Variants in ACSBG1 observed in about 807,000 individuals in gnomAD.
ACSBG1 encodes acyl-CoA synthetase bubblegum family member 1.
ACSBG1 carries 39 observed loss-of-function variants against 80.2 expected under a neutral mutation model. The ratio of observed to expected loss-of-function variants is 0.49; its 90% CI spans 0.38 to 0.64. The LOEUF is 0.64. Among genes scored for constraint, ACSBG1 ranks in the 30% least tolerant of loss-of-function variants. ACSBG1 has a pLI of 0.00. For synonymous variants in ACSBG1, 392 were observed against 379.5 expected, an observed-to-expected ratio of 1.03 and a Z score of -0.38; for missense variants, 828 against 966.4, an observed-to-expected ratio of 0.86 and a Z score of 1.90.
chr15:78,197,081 A>G (rs2075121207), intron 2 of ACSBG1, among the ~76,000 whole-genome samples: 1 of 152,066 alleles, frequency 6.6e-6, no homozygotes, highest in African/African-American at 2.4e-5. Flanking sequence ...AAATTAAATC[A>G]AATTAAATAA....
chr15:78,180,689 A>G, intron 9 of ACSBG1, 66 bp downstream of exon 9: 1 of 1,559,804 alleles, frequency 6.4e-7, no homozygotes, highest in African/African-American at 1.4e-5. Flanking sequence ...TCAGACCCTC[A>G]CTGTGTTTTG....
intron 1 of ACSBG1, among the ~76,000 whole-genome samples, chr15:78,218,936 CG>C (rs752771931): frequency 6.6e-6 from 1 of 151,728 alleles, no homozygotes; most frequent in East Asian, 1.9e-4. Flanking sequence ...CTCAGCCTCC[CG>C]AATAGCTGGG....
chr15:78,203,714 C>T (rs997247660), intron 2 of ACSBG1, among the ~76,000 whole-genome samples: 15 of 152,214 alleles, frequency 9.9e-5, no homozygotes, highest in South Asian at 2.1e-4. Context: ...GAGCAGAGAG[C>T]GGGAGGCTGG....
intron 11 of ACSBG1, among the ~76,000 whole-genome samples, chr15:78,175,133 C>G (rs2074870334): frequency 6.6e-6 from 1 of 152,268 alleles, no homozygotes; most frequent in Non-Finnish European, 1.5e-5. Context: ...TTGTACCCTT[C>G]TCCCTGGAAG....
At chr15:78,184,371 G>T (rs2074978866) in intron 5 of ACSBG1, among the ~76,000 whole-genome samples, 1 of 151,882 alleles carries the variant, frequency 6.6e-6, no homozygotes, top group African/African-American at 2.4e-5. Flanking sequence ...GTAGAGACAG[G>T]GGGGTCTCAC....
intron 1 of ACSBG1, among the ~76,000 whole-genome samples, chr15:78,224,343 T>G (rs1018620504): frequency 6.6e-6 from 1 of 152,188 alleles, no homozygotes; most frequent in African/African-American, 2.4e-5. Flanking sequence ...CTGTTATTGA[T>G]TTAATGCACT....
chr15:78,230,917 A>G (rs2075441142), intron 1 of ACSBG1, among the ~76,000 whole-genome samples: 1 of 152,218 alleles, frequency 6.6e-6, no homozygotes, highest in Non-Finnish European at 1.5e-5. Flanking sequence ...CCAGAGGAGC[A>G]GAGAAGCAGA....
intron 1 of ACSBG1, 70 bp from the exon 2 acceptor site, chr15:78,208,172 C>T (rs188537413): frequency 2.7e-5 from 32 of 1,170,868 alleles, no homozygotes; most frequent in Middle Eastern, 2.2e-4. Flanking sequence ...TTAGGGACTC[C>T]GGCCTGGCAC....
At chr15:78,234,288 A>G in intron 1 of ACSBG1, 83 bp downstream of exon 1, 1 of 1,532,406 alleles carries the variant, frequency 6.5e-7, no homozygotes, top group Non-Finnish European at 8.8e-7. Flanking sequence ...AGAGAGAAGC[A>G]GCTTGCCCAA....
chr15:78,209,111 C>G (rs959040442), intron 1 of ACSBG1: 1 of 455,552 alleles, frequency 2.2e-6, no homozygotes, highest in South Asian at 1.6e-5. Context: ...CTAGCCCCAT[C>G]CCTGCCCAGT....
At chr15:78,182,435 C>T (rs1253164673) in intron 7 of ACSBG1, 31 bp downstream of exon 7, 1 of 733,828 alleles carries the variant, frequency 1.4e-6, no homozygotes, top group Non-Finnish European at 2.1e-6. Flanking sequence ...CCCCCTTGCA[C>T]CCCCCCCACC....
chr15:78,233,398 T>C (rs904160804), intron 1 of ACSBG1, among the ~76,000 whole-genome samples: 1 of 152,210 alleles, frequency 6.6e-6, no homozygotes, highest in Non-Finnish European at 1.5e-5. Flanking sequence ...ACAGGGGCTG[T>C]AGTCTTGGTA....
intron 13 of ACSBG1, among the ~76,000 whole-genome samples, chr15:78,173,392 T>A (rs2074847036): frequency 6.8e-6 from 1 of 146,544 alleles, no homozygotes; most frequent in Admixed American, 6.8e-5. Flanking sequence ...ACATATCTTA[T>A]ACATTCAACA....
At chr15:78,224,249 TCATGAGAAAC>T (rs67890003) in intron 1 of ACSBG1, among the ~76,000 whole-genome samples, 45,977 of 151,800 alleles carry the variant, frequency 0.3, 7,684 homozygotes, top group East Asian at 0.49. Context: ...GACTGAAACA[TCATGAGAAAC>T]CCTGAGCCAG....
intron 2 of ACSBG1, among the ~76,000 whole-genome samples, chr15:78,201,062 G>T (rs72732588): frequency 1.3e-5 from 2 of 152,036 alleles, no homozygotes; most frequent in Non-Finnish European, 2.9e-5. Flanking sequence ...ACACTTTACC[G>T]CTCTTCAAGG....
At chr15:78,198,630 G>A (rs11072740) in intron 2 of ACSBG1, among the ~76,000 whole-genome samples, 95,188 of 151,706 alleles carry the variant, frequency 0.63, 31,686 homozygotes, top group East Asian at 0.77. Context: ...TTACAGGCAT[G>A]AGCCACCGTG....
At chr15:78,189,839 AAAT>A (rs2075041726) in intron 5 of ACSBG1, among the ~76,000 whole-genome samples, 2 of 151,970 alleles carry the variant, frequency 1.3e-5, no homozygotes, top group African/African-American at 2.4e-5. Context: ...AAAATAAAAT[AAAT>A]AAAAATAAAT....
intron 1 of ACSBG1, among the ~76,000 whole-genome samples, chr15:78,218,456 C>G (rs185773223): frequency 1.3e-5 from 2 of 152,256 alleles, no homozygotes; most frequent in East Asian, 3.9e-4. Context: ...AGAGGCAGCT[C>G]TGAATGTGGC....
Position 78,170,452 on chromosome 15 carries a change from T to A in ACSBG1, c.*992A>T, listed in dbSNP as rs968252872. 4.6e-5 allele frequency: 7 copies of A among 152,174 alleles called. No homozygotes were observed. The highest frequency in any genetic ancestry group is 1.7e-4 in the African/African-American group (7 of 41,442). The allele number at this position is 152,174 out of a possible 1,614,324, so 9.4% of individuals were successfully genotyped here. A position where few individuals can be genotyped will look rare whatever the true frequency, so the allele number is the denominator to read the frequency against. On this transcript the variant is annotated 3_prime_UTR_variant, in exon 14 of 14. Coordinates refer to ENST00000258873, the MANE Select transcript of ACSBG1 (RefSeq NM_015162.5). ...ACTTATAATCTTAAATGTATTTTCCTTTGTTTAAGCTGCTGCTTCCTCTGT... is the reference window on the plus strand; with the variant it reads ...ACTTATAATCTTAAATGTATTTTCCATTGTTTAAGCTGCTGCTTCCTCTGT...
Sources: allele counts gnomAD v4.1 joint callset (sites outside exome capture counted in the v4.1 genomes callset), GRCh38; gene constraint gnomAD v4.1.1; transcripts MANE v1.5; gene names NCBI Gene and HGNC (gene_info 2026-07-23, HGNC 2026-07-21).